Variants in RIOK1 observed in about 807,000 individuals in gnomAD.
RIOK1 encodes serine/threonine-protein kinase RIO1.
Under a neutral mutation model 73.5 loss-of-function variants are expected in RIOK1, and 66 were observed. That is an observed-to-expected ratio of 0.90 (90% CI 0.74 to 1.10). The LOEUF is 1.10. RIOK1 is among the 50% of genes least tolerant of loss of function. The pLI is 0.00. For missense variants in RIOK1, 658 were observed against 699.8 expected, an observed-to-expected ratio of 0.94 and a Z score of 0.67; for synonymous variants, 224 against 226.8, an observed-to-expected ratio of 0.99 and a Z score of 0.11.
At position 7,396,743 on chromosome 6, in the gene RIOK1, C is replaced by T. The variant is rs199690286; in HGVS notation, c.408C>T (p.Thr136=). The T allele has an allele frequency of 3.1e-5, 50 of 1,598,814 alleles. No homozygotes were observed. The East Asian group carries it at 3.1e-4, about 10-fold the overall frequency. Residue 136 remains threonine, a synonymous_variant, in exon 4 of 17, where the codon ACC becomes ACT. Transcript: ENST00000379834. The part of the protein sequence containing the change: ...NVTDSVINKV[T]EKSRQKEADM... ...CTGATTCCGTCATAAATAAAGTCAC[C>T]GAAAAGTCTAGACAAAAGGAAGCAG...
At position 7,396,845 on chromosome 6, in the gene RIOK1, C is replaced by G. The variant is rs1561875001; in HGVS notation, c.437+73C>G. 3 of 812,510 alleles carry G rather than the reference C, an allele frequency of 3.7e-6. No individual in the cohort carries two copies. In the South Asian group the frequency reaches 4.7e-5, roughly 13 times the overall value. 50.3% of individuals were successfully genotyped at this position (812,510 alleles called of 1,614,324 possible). Reference sequence around the variant, plus strand: ...ATTAAGCAGCACCTTGATCATAATTCTTTTACAGAGGATGTTCATTTGTAT... The same window carrying G: ...ATTAAGCAGCACCTTGATCATAATTGTTTTACAGAGGATGTTCATTTGTAT... On this transcript the variant is annotated intron_variant, in intron 4 of 16. Coordinates refer to ENST00000379834, the MANE Select transcript of RIOK1 (RefSeq NM_031480.3).
In RIOK1 at chr6:7,394,881, C is replaced by T. The variant is rs918047304; in HGVS notation, c.277-172C>T. The T allele has an allele frequency of 3.9e-5, 34 of 882,976 alleles. No homozygotes were observed. In the African/African-American group the frequency reaches 5.4e-4, roughly 14 times the overall value. 54.7% of individuals were successfully genotyped at this position (882,976 alleles called of 1,614,324 possible). A position where few individuals can be genotyped will look rare whatever the true frequency, so the allele number is the denominator to read the frequency against. On this transcript the variant is annotated intron_variant, in intron 2 of 16. Transcript: ENST00000379834. The stretch of plus-strand genomic sequence containing the variant: ...AGTCAGTAATTTTAACCTTCTGTTT[C>T]AAATGCTCTTTAAAAAATTTTTTGA...
intron 14 of RIOK1, among the ~76,000 whole-genome samples, chr6:7,412,460 G>C (rs1761910523): frequency 6.6e-6 from 1 of 151,214 alleles, no homozygotes; most frequent in African/African-American, 2.4e-5. Context: ...TTCGAGACCA[G>C]CCTGGCCAAC....
intron 5 of RIOK1, among the ~76,000 whole-genome samples, chr6:7,400,445 T>C (rs1761582556): frequency 6.6e-6 from 1 of 152,180 alleles, no homozygotes; most frequent in Non-Finnish European, 1.5e-5. Context: ...CCAGTCTGAA[T>C]TGAGATGTGC....
intron 4 of RIOK1, 72 bp from the exon 5 acceptor site, chr6:7,398,626 T>C (rs960426413): frequency 8.4e-5 from 94 of 1,123,880 alleles, no homozygotes; most frequent in Middle Eastern, 2.0e-4. Context: ...CATGAAATTA[T>C]CTACATTTAG....
At chr6:7,406,392 G>C (rs556823967) in intron 12 of RIOK1, among the ~76,000 whole-genome samples, 8 of 152,092 alleles carry the variant, frequency 5.3e-5, no homozygotes, top group African/African-American at 1.9e-4. Context: ...TGGTTCAGTG[G>C]CATTAAGTAC....
Position 7,393,132 on chromosome 6 carries a change from G to A in RIOK1, c.105G>A (p.Lys35=), listed in dbSNP as rs1348766052. 3.1e-6 allele frequency: 5 copies of A among 1,613,856 alleles called. No homozygotes were observed. Among genetic ancestry groups the A allele is most frequent in the Non-Finnish European group, 4.2e-6 (5 of 1,179,788 alleles). Residue 35 remains lysine (K), a synonymous_variant, in exon 2 of 17, where the codon AAG becomes AAA. Coordinates refer to ENST00000379834, the MANE Select transcript of RIOK1 (RefSeq NM_031480.3). ...ENRDLKTVKE[K]DDILFEDLQD... is the part of the protein sequence containing the mutation. ...GAGACTTGAAGACAGTCAAAGAGAA[G>A]GATGACATTCTGTTTGAAGACCTTC...
chr6:7,398,744 C>T lies in RIOK1; in HGVS notation c.480+4C>T. 1 of 1,607,980 alleles carries T rather than the reference C, an allele frequency of 6.2e-7. No individual in the cohort carries two copies. The highest frequency in any genetic ancestry group is 2.2e-5 in the East Asian group (1 of 44,754). ...AGACAGAGCAACTGTAGAACAGGTA[C>T]AATTTAAATGTGTTGCAAACTCTTC... is the stretch of plus-strand genomic sequence containing the variant. On this transcript the variant is annotated splice_donor_region_variant and intron_variant, in intron 5 of 16. Transcript: ENST00000379834.
Position 7,402,873 on chromosome 6 carries a change from A to T in RIOK1, c.743A>T (p.Glu248Val), listed in dbSNP as rs1365601357. The change falls in exon 8 of 17, where the codon GAA becomes GTA. Residue 248 changes from glutamate to valine, a missense_variant. By Grantham distance (121) the Glu-to-Val change is moderately radical. Transcript: ENST00000379834. ...NPRKMVKTWA[E>V]KEMRNLIRLN... The stretch of plus-strand genomic sequence containing the variant: ...AGGAAAATGGTGAAAACTTGGGCAG[A>T]AAAAGAAATGAGGAACTTAATCAGG... 2 of 1,614,016 alleles carry T rather than the reference A, an allele frequency of 1.2e-6. No individual in the cohort carries two copies. Among genetic ancestry groups the T allele is most frequent in the South Asian group, 2.2e-5 (2 of 91,054 alleles).
At chr6:7,393,573 C>T (rs1452629834) in intron 2 of RIOK1, among the ~76,000 whole-genome samples, 1 of 152,166 alleles carries the variant, frequency 6.6e-6, no homozygotes, top group Non-Finnish European at 1.5e-5. Context: ...CATGGATTGG[C>T]AGTTTACTAC....
At chr6:7,406,088 C>G (rs570703979) in intron 12 of RIOK1, among the ~76,000 whole-genome samples, 2 of 151,796 alleles carry the variant, frequency 1.3e-5, no homozygotes, top group African/African-American at 4.8e-5. Flanking sequence ...ACCTCTGCCC[C>G]TCAGGGTCAA....
At chr6:7,392,633 C>T (rs1761368634) in intron 1 of RIOK1, among the ~76,000 whole-genome samples, 1 of 151,982 alleles carries the variant, frequency 6.6e-6, no homozygotes, top group Non-Finnish European at 1.5e-5. Flanking sequence ...AATCCTATGG[C>T]CTCAGCCTCC....
At chr6:7,398,108 C>CTCCA (rs1408132096) in intron 4 of RIOK1, among the ~76,000 whole-genome samples, 1 of 152,200 alleles carries the variant, frequency 6.6e-6, no homozygotes, top group Non-Finnish European at 1.5e-5. Flanking sequence ...TGCCACTGCA[C>CTCCA]TCCAGCCTGG....
chr6:7,396,163 T>C (rs1266755383), intron 3 of RIOK1, among the ~76,000 whole-genome samples: 1 of 152,180 alleles, frequency 6.6e-6, no homozygotes, highest in African/African-American at 2.4e-5. Flanking sequence ...TTAATTTGAA[T>C]CATCATCTCA....
At position 7,412,047 on chromosome 6, in the gene RIOK1, T is replaced by G. The variant is rs574616295; in HGVS notation, c.1389+596T>G. Among the ~76,000 whole-genome samples the G allele has an allele frequency of 3.3e-5, 5 of 152,326 alleles. No individual in the cohort carries two copies. The East Asian group carries it at 9.6e-4, about 29-fold the overall frequency. ...TTGTGTTTGCTATCTTCAAATTGATTGCAAATGTTTATCTGTAAAAACTAC... is the reference window on the plus strand; with the variant it reads ...TTGTGTTTGCTATCTTCAAATTGATGGCAAATGTTTATCTGTAAAAACTAC... On this transcript the variant is annotated intron_variant, in intron 14 of 16. Coordinates refer to ENST00000379834, the MANE Select transcript of RIOK1 (RefSeq NM_031480.3).
At chr6:7,393,433 G>T in intron 2 of RIOK1, 130 bp downstream of exon 2, 1 of 705,976 alleles carries the variant, frequency 1.4e-6, no homozygotes, top group Non-Finnish European at 2.4e-6. Flanking sequence ...TGTAGCCTCA[G>T]CCTTTACTGA....
Position 7,403,567 on chromosome 6 carries a change from G to T in RIOK1, c.768-374G>T, listed in dbSNP as rs528628339. Among the ~76,000 whole-genome samples, 44 of 152,302 alleles carry T rather than the reference G, an allele frequency of 2.9e-4. 1 individual carries two copies. The highest frequency in any genetic ancestry group is 1.0e-3 in the African/African-American group (42 of 41,576). On this transcript the variant is annotated intron_variant, in intron 8 of 16. Coordinates refer to ENST00000379834, the MANE Select transcript of RIOK1 (RefSeq NM_031480.3). ...TTTGAAAGTCTTTTGTGTTCAACAA[G>T]CTATTAGGTGTGAGTCCAACTATTT...
chr6:7,404,636 A>G, intron 10 of RIOK1, 81 bp downstream of exon 10: 1 of 1,503,288 alleles, frequency 6.7e-7, no homozygotes. Flanking sequence ...CCAATCCAAG[A>G]AGTCACACTA....
At chr6:7,411,829 A>T (rs1761891263) in intron 14 of RIOK1, among the ~76,000 whole-genome samples, 1 of 152,248 alleles carries the variant, frequency 6.6e-6, no homozygotes, top group Non-Finnish European at 1.5e-5. Flanking sequence ...GCAAGCCAAG[A>T]AACAAAATTG....
Sources: gnomAD v4.1 joint callset for allele counts (sites outside exome capture counted in the v4.1 genomes callset) on GRCh38, gnomAD v4.1.1 for gene constraint, MANE v1.5 for transcripts, NCBI Gene and HGNC (gene_info 2026-07-23, HGNC 2026-07-21) for gene names.